DPY19L3: variants seen among roughly 807,000 people sequenced by gnomAD.
The protein encoded by DPY19L3 is protein C-mannosyl-transferase DPY19L3.
DPY19L3 carries 51 observed loss-of-function variants against 92.3 expected under a neutral mutation model. The ratio of observed to expected loss-of-function variants is 0.55; its 90% confidence interval spans 0.44 to 0.70. The LOEUF (loss-of-function observed/expected upper bound fraction) is 0.70. Among genes scored for constraint, DPY19L3 ranks in the 30% least tolerant of loss-of-function variants. The pLI is 0.00. For missense variants in DPY19L3, 706 were observed against 855.9 expected, an observed-to-expected ratio of 0.82 and a Z score of 2.18; for synonymous variants, 309 against 315.2, an observed-to-expected ratio of 0.98 and a Z score of 0.21.
At chr19:32,440,028 G>C (rs1343787352) in intron 8 of DPY19L3, 118 bp downstream of exon 8, 9 of 1,359,892 alleles carry the variant, frequency 6.6e-6, no homozygotes, top group Non-Finnish European at 8.0e-6. Context: ...TCTTAGATCT[G>C]CTGTAAATTT....
At chr19:32,442,287 C>T (rs1345640987) in intron 8 of DPY19L3, among the ~76,000 whole-genome samples, 1 of 152,104 alleles carries the variant, frequency 6.6e-6, no homozygotes, top group African/African-American at 2.4e-5. Flanking sequence ...CAGAGTAAAA[C>T]AGAACAGCAA....
chr19:32,450,920 G>A (rs375752), intron 8 of DPY19L3, among the ~76,000 whole-genome samples: 139,266 of 152,270 alleles, frequency 0.91, 63,895 homozygotes, highest in East Asian at 1. Context: ...CTAACCAGTA[G>A]TTGTACTCAG....
In DPY19L3 at chr19:32,436,453, T is replaced by C; in HGVS notation, c.336T>C (p.His112=). 2.7e-6 allele frequency: 4 copies of C among 1,506,776 alleles called. No individual in the cohort carries two copies. The highest frequency in any genetic ancestry group is 2.7e-6 in the Non-Finnish European group (3 of 1,106,258). The allele number at this position is 1,506,776 out of a possible 1,614,324, so 93.3% of individuals were successfully genotyped here. The part of the protein sequence containing the change: ...LQAPTLVQGF[H]GLIYDNKTES... Reference sequence around the variant, plus strand: ...CTTTTCACATATCTATAGGTTTTCATGGCCTAATATATGATAATAAAACTG... The same window carrying C: ...CTTTTCACATATCTATAGGTTTTCACGGCCTAATATATGATAATAAAACTG... Residue 112 remains histidine, a synonymous_variant, in exon 5 of 19, where the codon CAT becomes CAC. Coordinates refer to ENST00000392250, the MANE Select transcript of DPY19L3 (RefSeq NM_001172774.2).
At chr19:32,466,640 A>C (rs1970211010) in intron 15 of DPY19L3, among the ~76,000 whole-genome samples, 1 of 152,226 alleles carries the variant, frequency 6.6e-6, no homozygotes, top group African/African-American at 2.4e-5. Flanking sequence ...CTGCTATAAA[A>C]GAACTGGGAC....
intron 3 of DPY19L3, among the ~76,000 whole-genome samples, chr19:32,413,998 A>G (rs986505260): frequency 1.4e-4 from 22 of 152,176 alleles, no homozygotes; most frequent in Non-Finnish European, 2.5e-4. Flanking sequence ...TATTGGGATT[A>G]TAGGTGTGAG....
intron 3 of DPY19L3, among the ~76,000 whole-genome samples, chr19:32,425,495 G>T (rs1421014906): frequency 6.6e-6 from 1 of 151,958 alleles, no homozygotes; most frequent in Non-Finnish European, 1.5e-5. Context: ...AGGTTGCAGT[G>T]AGCTGAGATG....
In DPY19L3 at chr19:32,466,064, A is replaced by G. The variant is rs537619434; in HGVS notation, c.1614+1280A>G. On this transcript the variant is annotated intron_variant, in intron 15 of 18. Coordinates refer to ENST00000392250, the MANE Select transcript of DPY19L3 (RefSeq NM_001172774.2). The stretch of plus-strand genomic sequence containing the variant: ...ACTGAAGATGTACCGAACAATAACC[A>G]TCTTTCATACTGCCCGTGTGCATGT... 3.3e-5 allele frequency among the ~76,000 whole-genome samples: 5 copies of G among 152,324 alleles called. No homozygotes were observed. In the East Asian group the frequency reaches 9.6e-4, roughly 29 times the overall value.
intron 6 of DPY19L3, among the ~76,000 whole-genome samples, chr19:32,437,711 A>G (rs1969189508): frequency 6.6e-6 from 1 of 152,294 alleles, no homozygotes; most frequent in East Asian, 1.9e-4. Flanking sequence ...TGATATTTCA[A>G]TACATATAGA....
intron 12 of DPY19L3, among the ~76,000 whole-genome samples, chr19:32,461,521 T>C (rs1031434786): frequency 6.6e-6 from 1 of 152,238 alleles, no homozygotes; most frequent in African/African-American, 2.4e-5. Context: ...GATATTCTTA[T>C]TTGGAGTATC....
chr19:32,411,483 T>G, intron 3 of DPY19L3, 111 bp downstream of exon 3: 15 of 1,159,612 alleles, frequency 1.3e-5, no homozygotes, highest in Non-Finnish European at 1.7e-5. Flanking sequence ...ATCCAATCTC[T>G]AGAAAGGTTG....
rs1157372660 is a variant in DPY19L3 at position 32,449,339 on chromosome 19, A to C, written c.856-3806A>C. 2.0e-5 allele frequency among the ~76,000 whole-genome samples: 3 copies of C among 152,298 alleles called. No individual in the cohort carries two copies. The South Asian group carries it at 6.2e-4, about 32-fold the overall frequency. On this transcript the variant is annotated intron_variant, in intron 8 of 18. Coordinates refer to ENST00000392250, the MANE Select transcript of DPY19L3 (RefSeq NM_001172774.2). ...GAATACTTACTGTTGTTAAGATGGC[A>C]GTGCCCCCCAAATTGATCTACAGAT... is the stretch of plus-strand genomic sequence containing the variant.
At position 32,419,774 on chromosome 19, in the gene DPY19L3, A is replaced by G. The variant is rs571847837; in HGVS notation, c.237+8402A>G. On this transcript the variant is annotated intron_variant, in intron 3 of 18. Transcript: ENST00000392250. ...AGCTGCCTATCTTCAGAGCCCAAAC[A>G]CTAACTCTAAATTGTCCTTTCAATG... Among the ~76,000 whole-genome samples the G allele has an allele frequency of 3.9e-5, 6 of 152,054 alleles. No individual in the cohort carries two copies. The East Asian group carries it at 1.2e-3, about 29-fold the overall frequency.
intron 8 of DPY19L3, among the ~76,000 whole-genome samples, chr19:32,448,969 C>T (rs1969608049): frequency 6.6e-6 from 1 of 152,088 alleles, no homozygotes; most frequent in African/African-American, 2.4e-5. Flanking sequence ...ACACAAACTG[C>T]CCCTTTTTCT....
At chr19:32,431,332 C>T (rs1407571971) in intron 3 of DPY19L3, among the ~76,000 whole-genome samples, 3 of 151,458 alleles carry the variant, frequency 2.0e-5, no homozygotes, top group South Asian at 2.1e-4. Context: ...GAGCCGAGAT[C>T]GCACCATTGC....
In DPY19L3 at chr19:32,469,707, G is replaced by T. The variant is rs139157071; in HGVS notation, c.1697+894G>T. Among the ~76,000 whole-genome samples the T allele has an allele frequency of 2.6e-3, 390 of 152,102 alleles. 2 individuals are homozygous for T. Among genetic ancestry groups the T allele is most frequent in the Admixed American group, 0.016 (237 of 15,260 alleles). ...ATCATAATGCTTTAGTGTCCTATTG[G>T]CTCTTATTTCTGCCGGCACTTTGTT... On this transcript the variant is annotated intron_variant, in intron 16 of 18. Transcript: ENST00000392250.
intron 12 of DPY19L3, among the ~76,000 whole-genome samples, chr19:32,461,007 A>G (rs1970024098): frequency 6.6e-6 from 1 of 152,180 alleles, no homozygotes; most frequent in South Asian, 2.1e-4. Flanking sequence ...CTGGGATTAC[A>G]GGCATGCACA....
intron 8 of DPY19L3, among the ~76,000 whole-genome samples, chr19:32,445,075 CAAAAAAAA>C (rs771623749): frequency 2.0e-4 from 11 of 54,576 alleles, no homozygotes; most frequent in Admixed American, 1.4e-3. Flanking sequence ...GACCCAGTCT[CAAAAAAAA>C]AAAAAAAAAC....
chr19:32,468,809 A>AT lies in DPY19L3; in HGVS notation c.1695dup (p.Asn566Ter). On this transcript the variant is annotated frameshift_variant, in exon 16 of 19. Transcript: ENST00000392250. LOFTEE classifies it high-confidence loss of function. ...AGATACAGTGGAGCTGATGAACTGG[A>AT]TTAAGTAAGAGGATTTTTTTTAACT... The AT allele has an allele frequency of 6.2e-7, 1 of 1,612,904 alleles. No individual in the cohort carries two copies. Among genetic ancestry groups the AT allele is most frequent in the Non-Finnish European group, 8.5e-7 (1 of 1,179,478 alleles).
At chr19:32,421,793 T>G (rs1166888144) in intron 3 of DPY19L3, among the ~76,000 whole-genome samples, 5 of 151,930 alleles carry the variant, frequency 3.3e-5, no homozygotes, top group Non-Finnish European at 2.9e-5. Flanking sequence ...GCAGCCGCTA[T>G]CTTGGATCCA....
Sources: gnomAD v4.1 joint callset for allele counts (sites outside exome capture counted in the v4.1 genomes callset) on GRCh38, gnomAD v4.1.1 for gene constraint, MANE v1.5 for transcripts, NCBI Gene and HGNC (gene_info 2026-07-23, HGNC 2026-07-21) for gene names.